HDAC9: variants seen among roughly 807,000 people sequenced by gnomAD.
HDAC9 encodes histone deacetylase 9.
A neutral mutation model predicts 139.4 loss-of-function variants in HDAC9; 41 were observed. The ratio of observed to expected loss-of-function variants is 0.29; its 90% CI spans 0.23 to 0.38. The LOEUF (loss-of-function observed/expected upper bound fraction) is 0.38, where lower values mean the gene tolerates loss of function less well. Among genes scored for constraint, HDAC9 ranks in the 10% least tolerant of loss-of-function variants. The probability of loss-of-function intolerance (pLI) is 1.00; values close to 1 mark genes in which losing one functional copy is unlikely to be tolerated. For synonymous variants in HDAC9, 517 were observed against 476.2 expected, an observed-to-expected ratio of 1.09 and a Z score of -1.12; for missense variants, 1,147 against 1,297.0, an observed-to-expected ratio of 0.88 and a Z score of 1.78.
At chr7:18,765,873 T>C (rs1180584736) in intron 15 of HDAC9, among the ~76,000 whole-genome samples, 1 of 152,212 alleles carries the variant, frequency 6.6e-6, no homozygotes, top group South Asian at 2.1e-4. Flanking sequence ...TTTGTAATTC[T>C]ATTGACTTCT....
At chr7:18,576,271 G>A (rs1825904392) in intron 2 of HDAC9, among the ~76,000 whole-genome samples, 1 of 152,154 alleles carries the variant, frequency 6.6e-6, no homozygotes, top group Non-Finnish European at 1.5e-5. Flanking sequence ...TGTTAGAGAC[G>A]GAGGCTCCAC....
intron 24 of HDAC9, among the ~76,000 whole-genome samples, chr7:18,972,951 C>T (rs189391367): frequency 5.9e-5 from 9 of 152,180 alleles, no homozygotes; most frequent in Non-Finnish European, 1.2e-4. Flanking sequence ...CTGCAATATA[C>T]ATAATTCTTT....
At chr7:18,303,390 TGTGTG>T (rs1798688331) in intron 1 of HDAC9, among the ~76,000 whole-genome samples, 3 of 114,834 alleles carry the variant, frequency 2.6e-5, no homozygotes, top group African/African-American at 1.2e-4. Flanking sequence ...TGTGTGTGTG[TGTGTG>T]TGTGTGTGTG....
intron 17 of HDAC9, among the ~76,000 whole-genome samples, chr7:18,800,600 A>G (rs1793204365): frequency 6.6e-6 from 1 of 152,170 alleles, no homozygotes; most frequent in Non-Finnish European, 1.5e-5. Flanking sequence ...AAGGAGGCTG[A>G]AGTGGGTGGA....
intron 1 of HDAC9, among the ~76,000 whole-genome samples, chr7:18,483,315 G>T (rs1483038539): frequency 6.6e-6 from 1 of 152,158 alleles, no homozygotes; most frequent in Non-Finnish European, 1.5e-5. Context: ...ATGTGCGAAA[G>T]CATTGATATA....
chr7:18,120,492 A>C (rs1457623146), intron 1 of HDAC9, among the ~76,000 whole-genome samples: 1 of 152,066 alleles, frequency 6.6e-6, no homozygotes, highest in Non-Finnish European at 1.5e-5. Flanking sequence ...CCCAAACACA[A>C]ACCTTTTCTA....
intron 22 of HDAC9, among the ~76,000 whole-genome samples, chr7:18,920,112 A>G (rs896183180): frequency 5.3e-5 from 8 of 152,214 alleles, no homozygotes; most frequent in African/African-American, 1.9e-4. Context: ...CACAAGATTG[A>G]TTCTTCCTGC....
intron 2 of HDAC9, among the ~76,000 whole-genome samples, chr7:18,175,649 A>C (rs755930548): frequency 1.3e-5 from 2 of 152,016 alleles, no homozygotes; most frequent in Non-Finnish European, 2.9e-5. Flanking sequence ...GTTGCTTTGG[A>C]GTTGCTTTAA....
intron 1 of HDAC9, among the ~76,000 whole-genome samples, chr7:18,157,656 G>T (rs1337559082): frequency 6.6e-6 from 1 of 152,178 alleles, no homozygotes; most frequent in Admixed American, 6.5e-5. Flanking sequence ...ACAGAGAAAT[G>T]AAATAGAATC....
intron 21 of HDAC9, among the ~76,000 whole-genome samples, chr7:18,866,738 C>G (rs920607383): frequency 2.0e-5 from 3 of 152,128 alleles, no homozygotes; most frequent in Non-Finnish European, 4.4e-5. Context: ...TGGAACCAAG[C>G]CAAAGTTCTG....
intron 12 of HDAC9, among the ~76,000 whole-genome samples, chr7:18,673,835 G>C (rs752662729): frequency 1.3e-5 from 2 of 152,004 alleles, no homozygotes; most frequent in African/African-American, 2.4e-5. Flanking sequence ...TGTTAGCAGA[G>C]ATATGAGGCA....
chr7:18,102,810 C>T (rs1782936084), intron 1 of HDAC9, among the ~76,000 whole-genome samples: 1 of 152,148 alleles, frequency 6.6e-6, no homozygotes, highest in Admixed American at 6.5e-5. Flanking sequence ...CCAAGTAGGC[C>T]ATTAAAGGAC....
chr7:18,456,271 C>T (rs1391040370), intron 1 of HDAC9, among the ~76,000 whole-genome samples: 2 of 152,160 alleles, frequency 1.3e-5, no homozygotes, highest in Non-Finnish European at 1.5e-5. Flanking sequence ...GAGTCTTTCT[C>T]TGTTGCCCAG....
chr7:18,832,401 T>G (rs1161711396), intron 19 of HDAC9, among the ~76,000 whole-genome samples: 1 of 152,200 alleles, frequency 6.6e-6, no homozygotes, highest in African/African-American at 2.4e-5. Flanking sequence ...TTATTCAAGG[T>G]TACTCAAAGT....
At chr7:18,987,354 T>C (rs1229033669) in intron 25 of HDAC9, among the ~76,000 whole-genome samples, 1 of 152,260 alleles carries the variant, frequency 6.6e-6, no homozygotes, top group African/African-American at 2.4e-5. Context: ...GTTCTGTTTA[T>C]ATGCTGGATT....
intron 24 of HDAC9, among the ~76,000 whole-genome samples, chr7:18,956,733 A>G (rs562707470): frequency 1.7e-4 from 26 of 152,122 alleles, no homozygotes; most frequent in Non-Finnish European, 3.4e-4. Flanking sequence ...CTTAGCTCCA[A>G]CTCCAGGGGA....
chr7:18,966,664 G>A (rs766819511), intron 24 of HDAC9, among the ~76,000 whole-genome samples: 17 of 152,128 alleles, frequency 1.1e-4, no homozygotes, highest in African/African-American at 2.7e-4. Flanking sequence ...TTGCACCACC[G>A]CGCTCCAGCC....
chr7:18,404,042 T>C (rs1378447216), intron 1 of HDAC9, among the ~76,000 whole-genome samples: 1 of 152,122 alleles, frequency 6.6e-6, no homozygotes, highest in Admixed American at 6.5e-5. Flanking sequence ...TGCGGCATGT[T>C]GGAGAAACTG....
At chr7:18,724,076 C>G (rs1785344271) in intron 12 of HDAC9, among the ~76,000 whole-genome samples, 1 of 152,154 alleles carries the variant, frequency 6.6e-6, no homozygotes, top group Admixed American at 6.5e-5. Flanking sequence ...TAGAGCTTCT[C>G]CTTGCATTTG....
Sources: allele counts gnomAD v4.1 joint callset (sites outside exome capture counted in the v4.1 genomes callset), GRCh38; gene constraint gnomAD v4.1.1; transcripts MANE v1.5; gene names NCBI Gene and HGNC (gene_info 2026-07-23, HGNC 2026-07-21).